The following SORBS2 variants were observed in gnomAD, a reference collection of about 807,000 sequenced individuals.
SORBS2 encodes the protein sorbin and SH3 domain-containing protein 2.
In SORBS2, 46 loss-of-function variants were observed where a neutral mutation model predicts 97.7. The observed-to-expected ratio is 0.47, with a 90% CI of 0.37 to 0.60. The LOEUF (loss-of-function observed/expected upper bound fraction) is 0.60. Ranked by LOEUF, SORBS2 falls within the 20% of genes least tolerant of loss-of-function variation. The probability of loss-of-function intolerance (pLI) is 0.00; values close to 1 mark genes in which losing one functional copy is unlikely to be tolerated. For synonymous variants in SORBS2, 476 were observed against 473.4 expected (o/e 1.01, Z -0.07); for missense variants, 1,316 against 1,282.3 (o/e 1.03, Z -0.40).
At chr4:185,906,861 C>T (rs1288755464) in intron 1 of SORBS2, among the ~76,000 whole-genome samples, 1 of 152,204 alleles carries the variant, frequency 6.6e-6, no homozygotes, top group Non-Finnish European at 1.5e-5. Context: ...CGCAGTGCCT[C>T]ACGCCTGTAA....
rs1393404585 is a variant in SORBS2, at chr4:185,691,071, T to C, written c.-197-12249A>G. 2.0e-5 allele frequency among the ~76,000 whole-genome samples: 3 copies of C among 152,244 alleles called. No individual in the cohort carries two copies. In the East Asian group the frequency reaches 5.8e-4, roughly 29 times the overall value. ...CATGCCACCACACCCAGCTAATTTT[T>C]TTCTATTTTTAATAGAGACGGGGTT... On this transcript the variant is annotated intron_variant, in intron 2 of 20. Coordinates refer to the SORBS2 transcript ENST00000284776.
intron 1 of SORBS2, among the ~76,000 whole-genome samples, chr4:185,905,474 G>A (rs765273765): frequency 1.3e-5 from 2 of 152,242 alleles, no homozygotes; most frequent in South Asian, 2.1e-4. Context: ...ACTTGCAAAT[G>A]CTGGAATTTA....
intron 1 of SORBS2, among the ~76,000 whole-genome samples, chr4:185,879,458 T>C (rs1190191144): frequency 6.6e-6 from 1 of 152,186 alleles, no homozygotes; most frequent in African/African-American, 2.4e-5. Context: ...TTTGCTATTG[T>C]GAATAGTGCT....
At chr4:185,614,797 C>T (rs1023046895) in intron 11 of SORBS2, 34 bp downstream of exon 23, 2 of 1,610,814 alleles carry the variant, frequency 1.2e-6, no homozygotes, top group Non-Finnish European at 8.5e-7. Context: ...AACAAACAAA[C>T]AAAAACAAAC....
At chr4:185,602,973 T>C (rs2096299759) in intron 12 of SORBS2, among the ~76,000 whole-genome samples, 1 of 152,266 alleles carries the variant, frequency 6.6e-6, no homozygotes, top group African/African-American at 2.4e-5. Context: ...TTTGATTTGC[T>C]GGAGTTAGTC....
At chr4:185,870,297 G>A (rs1472954670) in intron 1 of SORBS2, among the ~76,000 whole-genome samples, 8 of 152,174 alleles carry the variant, frequency 5.3e-5, no homozygotes, top group Admixed American at 2.6e-4. Context: ...TTCAGGAGAC[G>A]AGACACTGCA....
intron 6 of SORBS2, among the ~76,000 whole-genome samples, chr4:185,625,478 C>A (rs956068026): frequency 6.6e-6 from 1 of 152,194 alleles, no homozygotes; most frequent in African/African-American, 2.4e-5. Context: ...TCTCTAAATT[C>A]TTTAAAAGTA....
intron 2 of SORBS2, among the ~76,000 whole-genome samples, chr4:185,740,620 C>T (rs1404282820): frequency 6.6e-6 from 1 of 151,962 alleles, no homozygotes; most frequent in Non-Finnish European, 1.5e-5. Flanking sequence ...CAGCCCAACA[C>T]TAACTCAGCC....
exon 5 of SORBS2, chr4:185,662,138 G>A (rs780506220): frequency 2.3e-5 from 37 of 1,614,204 alleles, no homozygotes; most frequent in Non-Finnish European, 2.9e-5. Flanking sequence ...CAATGCTGGA[G>A]TTGAGTGAGG....
chr4:185,744,225 A>G (rs34609507), intron 2 of SORBS2, among the ~76,000 whole-genome samples: 20,381 of 151,782 alleles, frequency 0.13, 1,583 homozygotes, highest in South Asian at 0.2. Flanking sequence ...TAATTATTCA[A>G]TTACACAATG....
intron 1 of SORBS2, among the ~76,000 whole-genome samples, chr4:185,815,138 C>T (rs1240782599): frequency 6.6e-6 from 1 of 152,172 alleles, no homozygotes; most frequent in Non-Finnish European, 1.5e-5. Context: ...TAAAATTTTG[C>T]TAATATAATA....
At chr4:185,827,959 CCA>C (rs2099202768) in intron 1 of SORBS2, among the ~76,000 whole-genome samples, 1 of 37,832 alleles carries the variant, frequency 2.6e-5, no homozygotes, top group Non-Finnish European at 7.3e-5. Context: ...ATCATCGTCA[CCA>C]TCATCATCAT....
At chr4:185,791,438 C>A (rs1048601113) in intron 1 of SORBS2, among the ~76,000 whole-genome samples, 1 of 151,868 alleles carries the variant, frequency 6.6e-6, no homozygotes, top group Non-Finnish European at 1.5e-5. Flanking sequence ...ACAGTGCCTG[C>A]CCCATAGAAA....
At chr4:185,634,744 T>C (rs1486987220) in intron 4 of SORBS2, among the ~76,000 whole-genome samples, 1 of 152,168 alleles carries the variant, frequency 6.6e-6, no homozygotes, top group Non-Finnish European at 1.5e-5. Flanking sequence ...CATTTCATTT[T>C]ATATGCCAAT....
At chr4:185,886,563 A>AAAAAAAAAGAAAAGAAAAG (rs1554046510) in intron 1 of SORBS2, among the ~76,000 whole-genome samples, 6 of 127,616 alleles carry the variant, frequency 4.7e-5, no homozygotes, top group Admixed American at 7.6e-5. Context: ...TCAAAAAAAA[A>AAAAAAAAAGAAAAGAAAAG]AAAAAAAAAA....
At chr4:185,867,434 G>T (rs748303477) in intron 1 of SORBS2, among the ~76,000 whole-genome samples, 1 of 152,202 alleles carries the variant, frequency 6.6e-6, no homozygotes, top group Non-Finnish European at 1.5e-5. Context: ...AAACAGGCAC[G>T]AGTAGAGAGA....
chr4:185,627,148 A>G (rs2096828698), intron 5 of SORBS2, 129 bp from the exon 18 acceptor site: 5 of 696,452 alleles, frequency 7.2e-6, no homozygotes, highest in Non-Finnish European at 1.3e-5. Flanking sequence ...CTGCATTGCT[A>G]GGAACTCATC....
At chr4:185,630,506 C>A in intron 5 of SORBS2, 43 bp downstream of exon 17, 1 of 1,252,802 alleles carries the variant, frequency 8.0e-7, no homozygotes, top group Admixed American at 2.2e-5. Flanking sequence ...AAAAAGAAAC[C>A]ACTGGTATAG....
chr4:185,773,060 A>AAAAAAC (rs1560937305), intron 2 of SORBS2: 2 of 151,460 alleles, frequency 1.3e-5, no homozygotes, highest in Admixed American at 1.3e-4. Flanking sequence ...GAAAGAAAAA[A>AAAAAAC]AAAACAAAAC....
Sources: allele counts gnomAD v4.1 joint callset (sites outside exome capture counted in the v4.1 genomes callset), GRCh38; gene constraint gnomAD v4.1.1; transcripts MANE v1.5; gene names NCBI Gene and HGNC (gene_info 2026-07-23, HGNC 2026-07-21).